CACNA1C: variants seen among roughly 807,000 people sequenced by gnomAD.
CACNA1C encodes the protein calcium voltage-gated channel subunit alpha1 C, also known as voltage-dependent L-type calcium channel subunit alpha-1C.
CACNA1C carries 30 observed loss-of-function variants against 229.0 expected under a neutral mutation model. The observed-to-expected ratio is 0.13, with a 90% confidence interval of 0.10 to 0.18. CACNA1C has a LOEUF of 0.18. Among genes scored for constraint, CACNA1C ranks in the 10% least tolerant of loss-of-function variants. The pLI, the probability that CACNA1C is intolerant of heterozygous loss-of-function variation, is 1.00. For synonymous variants in CACNA1C, 1,114 were observed against 1,132.5 expected (o/e 0.98, Z 0.33); for missense variants, 1,658 against 2,845.0 (o/e 0.58, Z 9.49).
At chr12:2,494,866 GACCTTGT>G (rs759680162) in intron 7 of CACNA1C, among the ~76,000 whole-genome samples, 7 of 152,176 alleles carry the variant, frequency 4.6e-5, no homozygotes, top group Admixed American at 6.5e-5. Flanking sequence ...CTTGCCCGAG[GACCTTGT>G]ACCCAGCAAA....
At chr12:2,424,261 T>G (rs535111372) in intron 3 of CACNA1C, among the ~76,000 whole-genome samples, 1 of 152,202 alleles carries the variant, frequency 6.6e-6, no homozygotes, top group South Asian at 2.1e-4. Flanking sequence ...GCATTCAGAA[T>G]GCACTCAGCT....
At chr12:2,667,247 G>A (rs1454477357) in intron 37 of CACNA1C, among the ~76,000 whole-genome samples, 4 of 96,052 alleles carry the variant, frequency 4.2e-5, no homozygotes, top group African/African-American at 1.8e-4. Flanking sequence ...AAAAAGTGTC[G>A]TTTCCTTTTC....
At chr12:2,228,294 G>A (rs2283291) in intron 3 of CACNA1C, among the ~76,000 whole-genome samples, 76,678 of 152,032 alleles carry the variant, frequency 0.5, 20,653 homozygotes, top group African/African-American at 0.7. Flanking sequence ...CACTTGACAC[G>A]TGTATACTCT....
rs558146266 is a variant in CACNA1C, at chr12:2,549,871, A to G, written c.1391-72A>G. 2.6e-6 allele frequency: 3 copies of G among 1,134,586 alleles called. No homozygotes were observed. The African/African-American group carries it at 5.2e-5, about 20-fold the overall frequency. 70.3% of individuals were successfully genotyped at this position (1,134,586 alleles called of 1,614,324 possible). A position where few individuals can be genotyped will look rare whatever the true frequency, so the allele number is the denominator to read the frequency against. The stretch of plus-strand genomic sequence containing the variant: ...CTGGGTCTTGCGGTGGGCGTGTTGC[A>G]AACTACTGCTCTTCTGTTCCCTTGT... On this transcript the variant is annotated intron_variant, in intron 9 of 46. Coordinates refer to ENST00000399655, the MANE Select transcript of CACNA1C (RefSeq NM_000719.7).
At chr12:2,242,815 C>T (rs536783611) in intron 3 of CACNA1C, among the ~76,000 whole-genome samples, 1 of 152,298 alleles carries the variant, frequency 6.6e-6, no homozygotes, top group African/African-American at 2.4e-5. Context: ...CATGGTACAG[C>T]TGTGTGGCTT....
At chr12:2,463,231 C>T (rs2099526968) in intron 5 of CACNA1C, among the ~76,000 whole-genome samples, 1 of 152,134 alleles carries the variant, frequency 6.6e-6, no homozygotes, top group East Asian at 1.9e-4. Context: ...TTTTTAAATG[C>T]ACATATATGT....
intron 3 of CACNA1C, among the ~76,000 whole-genome samples, chr12:2,263,666 T>C (rs1043160037): frequency 1.3e-5 from 2 of 151,724 alleles, no homozygotes; most frequent in African/African-American, 2.4e-5. Flanking sequence ...ATTCTAGAAG[T>C]ACACCAGAAA....
intron 1 of CACNA1C, among the ~76,000 whole-genome samples, chr12:2,016,187 T>C (rs1383899857): frequency 6.6e-6 from 1 of 152,216 alleles, no homozygotes; most frequent in Non-Finnish European, 1.5e-5. Context: ...TATTTGTTCA[T>C]TTGTTTGTTC....
At position 2,252,703 on chromosome 12, in the gene CACNA1C, C is replaced by T. The variant is rs544852120; in HGVS notation, c.477+132273C>T. ...TCCAGATCAGATGAAGGTGTTTGTGCGGGGACAGCTGTATGTTTTCTGTTA... is the reference window on the plus strand; with the variant it reads ...TCCAGATCAGATGAAGGTGTTTGTGTGGGGACAGCTGTATGTTTTCTGTTA... On this transcript the variant is annotated intron_variant, in intron 3 of 46. Coordinates refer to ENST00000399655, the MANE Select transcript of CACNA1C (RefSeq NM_000719.7). Among the ~76,000 whole-genome samples the T allele has an allele frequency of 1.4e-4, 21 of 152,232 alleles. No homozygotes were observed. The East Asian group carries it at 2.5e-3, about 18-fold the overall frequency.
At chr12:2,626,095 G>A (rs1429636068) in intron 29 of CACNA1C, among the ~76,000 whole-genome samples, 1 of 152,262 alleles carries the variant, frequency 6.6e-6, no homozygotes, top group Non-Finnish European at 1.5e-5. Flanking sequence ...AGTGAAGGCG[G>A]TCTATCATTT....
At chr12:2,627,838 G>A (rs1314068257) in intron 29 of CACNA1C, among the ~76,000 whole-genome samples, 1 of 152,126 alleles carries the variant, frequency 6.6e-6, no homozygotes, top group Non-Finnish European at 1.5e-5. Flanking sequence ...CCGAAGTCCT[G>A]CAGCCCCTCC....
intron 11 of CACNA1C, among the ~76,000 whole-genome samples, chr12:2,560,717 C>T (rs1421950814): frequency 6.6e-6 from 1 of 152,116 alleles, no homozygotes; most frequent in Non-Finnish European, 1.5e-5. Flanking sequence ...GTTCTCTTCA[C>T]TTCTGCCATA....
intron 1 of CACNA1C, among the ~76,000 whole-genome samples, chr12:2,075,275 G>A (rs1348272377): frequency 1.3e-5 from 2 of 152,184 alleles, no homozygotes; most frequent in South Asian, 2.1e-4. Flanking sequence ...CGCTCACTGG[G>A]TGCAGGCATG....
chr12:2,016,895 C>T (rs2045484907), intron 1 of CACNA1C, among the ~76,000 whole-genome samples: 1 of 152,136 alleles, frequency 6.6e-6, no homozygotes, highest in South Asian at 2.1e-4. Flanking sequence ...TTCTTTAAAG[C>T]TCCCAGGTAA....
intron 3 of CACNA1C, among the ~76,000 whole-genome samples, chr12:2,274,646 G>T (rs940302725): frequency 3.3e-5 from 5 of 152,202 alleles, no homozygotes; most frequent in African/African-American, 9.7e-5. Context: ...TTTCACATGA[G>T]GAAACTGAGG....
chr12:1,979,900 G>A (rs2035609769), intron 1 of CACNA1C, among the ~76,000 whole-genome samples: 1 of 151,928 alleles, frequency 6.6e-6, no homozygotes, highest in African/African-American at 2.4e-5. Flanking sequence ...CTGTTGTTAT[G>A]GTAAAATGCA....
At chr12:2,370,133 A>C (rs930192659) in intron 3 of CACNA1C, among the ~76,000 whole-genome samples, 2 of 152,258 alleles carry the variant, frequency 1.3e-5, no homozygotes, top group African/African-American at 4.8e-5. Flanking sequence ...AATCAGCCTC[A>C]CTAGTAAAAT....
chr12:2,584,125 C>A (rs1447193087), intron 15 of CACNA1C, among the ~76,000 whole-genome samples: 1 of 152,222 alleles, frequency 6.6e-6, no homozygotes, highest in East Asian at 1.9e-4. Context: ...TATAATAAAC[C>A]GCTCTTAAGA....
At chr12:2,491,793 C>T (rs1296406975) in intron 6 of CACNA1C, among the ~76,000 whole-genome samples, 1 of 152,172 alleles carries the variant, frequency 6.6e-6, no homozygotes, top group Admixed American at 6.5e-5. Flanking sequence ...TGGGAGTGAA[C>T]AGTTTCAGAT....
Sources: gnomAD v4.1 joint callset for allele counts (sites outside exome capture counted in the v4.1 genomes callset) on GRCh38, gnomAD v4.1.1 for gene constraint, MANE v1.5 for transcripts, NCBI Gene and HGNC (gene_info 2026-07-23, HGNC 2026-07-21) for gene names.